Variants in EXOC4 observed in about 807,000 individuals in gnomAD.
EXOC4 encodes the protein exocyst complex component 4.
EXOC4 carries 71 observed loss-of-function variants against 107.2 expected under a neutral mutation model. That is an observed-to-expected ratio of 0.66 (90% CI 0.55 to 0.81). The LOEUF is 0.81. Among genes scored for constraint, EXOC4 ranks in the 30% least tolerant of loss-of-function variants. EXOC4 has a pLI of 0.00. For synonymous variants in EXOC4, 456 were observed against 441.2 expected (o/e 1.03, Z -0.42); for missense variants, 1,108 against 1,189.6 (o/e 0.93, Z 1.01).
intron 9 of EXOC4, among the ~76,000 whole-genome samples, chr7:133,523,200 A>G (rs1248817237): frequency 6.6e-6 from 1 of 152,226 alleles, no homozygotes; most frequent in African/African-American, 2.4e-5. Flanking sequence ...TTTAAAGCTC[A>G]GGATATCATA....
intron 14 of EXOC4, among the ~76,000 whole-genome samples, chr7:133,945,239 A>G (rs1373681479): frequency 1.3e-5 from 2 of 152,226 alleles, no homozygotes; most frequent in Non-Finnish European, 2.9e-5. Flanking sequence ...TCGCATTAGA[A>G]ATGCCTGTGC....
intron 7 of EXOC4, among the ~76,000 whole-genome samples, chr7:133,428,900 C>T (rs1407052595): frequency 1.3e-5 from 2 of 152,074 alleles, no homozygotes; most frequent in Non-Finnish European, 2.9e-5. Flanking sequence ...TTGTTTTTCC[C>T]TTTTTCTCTG....
intron 10 of EXOC4, among the ~76,000 whole-genome samples, chr7:133,718,985 A>C (rs1386354934): frequency 6.6e-6 from 1 of 152,154 alleles, no homozygotes; most frequent in East Asian, 1.9e-4. Context: ...TTTCACGTCG[A>C]ACCATGTGAG....
intron 1 of EXOC4, among the ~76,000 whole-genome samples, chr7:133,267,741 C>T (rs989731811): frequency 1.3e-5 from 2 of 152,162 alleles, no homozygotes; most frequent in Admixed American, 6.5e-5. Flanking sequence ...AATAGGGTCA[C>T]GAGCAACTAT....
intron 10 of EXOC4, chr7:133,732,600 C>G (rs953370145): frequency 6.5e-6 from 1 of 153,610 alleles, no homozygotes; most frequent in Non-Finnish European, 1.5e-5. Flanking sequence ...CCATGAAGCC[C>G]CATGCCCTTT....
At chr7:133,679,156 T>C (rs914625313) in intron 10 of EXOC4, among the ~76,000 whole-genome samples, 14 of 152,192 alleles carry the variant, frequency 9.2e-5, no homozygotes, top group Non-Finnish European at 1.5e-4. Context: ...AGTTTACAGT[T>C]GCTATTCATC....
intron 7 of EXOC4, among the ~76,000 whole-genome samples, chr7:133,387,521 T>A (rs1047696975): frequency 1.3e-5 from 2 of 152,156 alleles, no homozygotes; most frequent in Non-Finnish European, 2.9e-5. Context: ...ACAAATGCAT[T>A]ATTTCATCCA....
intron 5 of EXOC4, among the ~76,000 whole-genome samples, chr7:133,336,200 G>C (rs1490303338): frequency 6.6e-6 from 1 of 152,154 alleles, no homozygotes; most frequent in Non-Finnish European, 1.5e-5. Flanking sequence ...TTTTCGTGTA[G>C]TCTAGTTTTA....
chr7:133,902,682 G>A (rs1390710417), intron 12 of EXOC4, among the ~76,000 whole-genome samples: 1 of 151,968 alleles, frequency 6.6e-6, no homozygotes, highest in Non-Finnish European at 1.5e-5. Flanking sequence ...GTGAAACCCC[G>A]TCTCTACTAA....
At chr7:134,030,950 C>T (rs1330878384) in intron 17 of EXOC4, among the ~76,000 whole-genome samples, 1 of 152,104 alleles carries the variant, frequency 6.6e-6, no homozygotes, top group African/African-American at 2.4e-5. Context: ...CCTGACTGAT[C>T]TCCTACAACA....
intron 2 of EXOC4, among the ~76,000 whole-genome samples, chr7:133,280,540 G>A (rs928333220): frequency 2.6e-5 from 4 of 152,112 alleles, no homozygotes; most frequent in Non-Finnish European, 5.9e-5. Context: ...GAGATACTTG[G>A]CTTTGTTGAG....
At chr7:133,939,725 A>G (rs1800384618) in intron 14 of EXOC4, among the ~76,000 whole-genome samples, 1 of 152,220 alleles carries the variant, frequency 6.6e-6, no homozygotes, top group Non-Finnish European at 1.5e-5. Flanking sequence ...ATCTATAAGA[A>G]TAGAAAATGT....
chr7:133,913,905 C>T (rs1048329503), intron 12 of EXOC4, among the ~76,000 whole-genome samples: 7 of 152,136 alleles, frequency 4.6e-5, no homozygotes, highest in African/African-American at 1.4e-4. Context: ...GAAAAAGAGC[C>T]ATCAGTTTGG....
At chr7:133,317,752 G>T (rs1418366737) in intron 5 of EXOC4, among the ~76,000 whole-genome samples, 1 of 151,828 alleles carries the variant, frequency 6.6e-6, no homozygotes, top group Admixed American at 6.6e-5. Flanking sequence ...CACGATTTTG[G>T]CTCTCTGCAA....
chr7:133,783,374 A>G (rs576050532), intron 10 of EXOC4, among the ~76,000 whole-genome samples: 11 of 152,310 alleles, frequency 7.2e-5, no homozygotes, highest in Admixed American at 2.0e-4. Flanking sequence ...CATAACCCAT[A>G]TGGACTTTGA....
At chr7:133,548,324 CT>C (rs1203962612) in intron 9 of EXOC4, among the ~76,000 whole-genome samples, 1 of 152,082 alleles carries the variant, frequency 6.6e-6, no homozygotes, top group East Asian at 1.9e-4. Context: ...TAGCATAATT[CT>C]TGGGGGCCCT....
chr7:133,257,240 G>C (rs1267839929), intron 1 of EXOC4, among the ~76,000 whole-genome samples: 3 of 151,934 alleles, frequency 2.0e-5, no homozygotes, highest in Non-Finnish European at 2.9e-5. Flanking sequence ...GAACTAACCG[G>C]GGGGGACAGA....
chr7:133,260,270 G>GTTTTTTT (rs34596811), intron 1 of EXOC4, among the ~76,000 whole-genome samples: 4 of 143,158 alleles, frequency 2.8e-5, no homozygotes, highest in Non-Finnish European at 3.1e-5. Context: ...CCCTTTAACT[G>GTTTTTTT]TTTTTTTTTT....
the EXOC4 span, among the ~76,000 whole-genome samples, chr7:134,098,964 T>C: frequency 1.3e-5 from 2 of 151,972 alleles, no homozygotes; most frequent in African/African-American, 4.8e-5. Context: ...AAGCTTGGGG[T>C]AGGGAGGTGG....
Sources: gnomAD v4.1 joint callset for allele counts (sites outside exome capture counted in the v4.1 genomes callset) on GRCh38, gnomAD v4.1.1 for gene constraint, MANE v1.5 for transcripts, NCBI Gene and HGNC (gene_info 2026-07-23, HGNC 2026-07-21) for gene names.